The following SPINK5 variants were observed in gnomAD, a reference collection of about 807,000 sequenced individuals.
The protein encoded by SPINK5 is serine peptidase inhibitor Kazal type 5.
Under a neutral mutation model 151.8 loss-of-function variants are expected in SPINK5, and 125 were observed. That is an observed-to-expected ratio of 0.82 (90% CI 0.71 to 0.96). The LOEUF is 0.96. Among genes scored for constraint, SPINK5 ranks in the 40% least tolerant of loss-of-function variants. SPINK5 has a pLI of 0.00. For missense variants in SPINK5, 1,194 were observed against 1,291.9 expected, an observed-to-expected ratio of 0.92 and a Z score of 1.16; for synonymous variants, 374 against 395.3, an observed-to-expected ratio of 0.95 and a Z score of 0.64.
Position 148,125,998 on chromosome 5 carries a change from G to C in SPINK5, c.2867+148G>C, listed in dbSNP as rs1342095094. 3 of 1,232,216 alleles carry C rather than the reference G, an allele frequency of 2.4e-6. No homozygotes were observed. The Admixed American group carries it at 5.5e-5, about 22-fold the overall frequency. 76.3% of individuals were successfully genotyped at this position (1,232,216 alleles called of 1,614,324 possible). A position where few individuals can be genotyped will look rare whatever the true frequency, so the allele number is the denominator to read the frequency against. ...TAAAGCCCTCAAATTGAGAACACCTGATATAGTAGAAAGAACACTGAGACT... is the reference window on the plus strand; with the variant it reads ...TAAAGCCCTCAAATTGAGAACACCTCATATAGTAGAAAGAACACTGAGACT... On this transcript the variant is annotated intron_variant, in intron 29 of 32. Coordinates refer to ENST00000256084, the MANE Select transcript of SPINK5 (RefSeq NM_006846.4).
chr5:148,113,072 T>C (rs569987064), intron 20 of SPINK5, 138 bp downstream of exon 20: 1 of 1,397,296 alleles, frequency 7.2e-7, no homozygotes, highest in Admixed American at 2.2e-5. Context: ...AGAAACTTTT[T>C]CTTAACAGAA....
At chr5:148,101,648 C>G in intron 14 of SPINK5, 133 bp from the exon 15 acceptor site, 3 of 1,403,642 alleles carry the variant, frequency 2.1e-6, no homozygotes, top group Non-Finnish European at 3.0e-6. Context: ...AAATCCATGC[C>G]TTCAAAGTTA....
At chr5:148,112,007 C>A in intron 19 of SPINK5, 112 bp downstream of exon 19, 1 of 1,521,520 alleles carries the variant, frequency 6.6e-7, no homozygotes, top group Non-Finnish European at 9.1e-7. Context: ...TAAAGGCTGT[C>A]TTTGCACTGA....
Position 148,131,329 on chromosome 5 carries a change from C to T in SPINK5, c.3035C>T (p.Pro1012Leu), listed in dbSNP as rs373802380. The T allele has an allele frequency of 5.5e-5, 89 of 1,613,832 alleles. No homozygotes were observed. The highest frequency in any genetic ancestry group is 7.0e-5 in the Non-Finnish European group (82 of 1,179,854). Residue 1012 changes from proline (P) to leucine (L), a missense_variant, in exon 31 of 33, where the codon CCT becomes CTT. By Grantham distance (98) the Pro-to-Leu change is moderately conservative. Transcript: ENST00000256084. Reference protein sequence around the residue: ...IGYLCPKDLKPVCGDDGQTYN... With the variant: ...IGYLCPKDLKLVCGDDGQTYN... ...TATCTTTGTCCAAAGGATTTAAAGC[C>T]TGTCTGTGGTGACGATGGCCAAACC...
In SPINK5 at chr5:148,114,486, T is replaced by A; in HGVS notation, c.2012T>A (p.Val671Asp). The A allele has an allele frequency of 6.2e-7, 1 of 1,613,434 alleles. No homozygotes were observed. Among genetic ancestry groups the A allele is most frequent in the Non-Finnish European group, 8.5e-7 (1 of 1,179,558 alleles). Residue 671 changes from valine (V) to aspartate (D), a missense_variant, in exon 21 of 33, where the codon GTC becomes GAC. Coordinates refer to ENST00000256084, the MANE Select transcript of SPINK5 (RefSeq NM_006846.4). Reference protein sequence around the residue: ...HGNKCAMCKAVFQKENEERKR... With the variant: ...HGNKCAMCKADFQKENEERKR... ...AACAAGTGTGCCATGTGTAAGGCAG[T>A]CTTGTGAGTGCACAAAGAAAACCAC...
chr5:148,083,541 C>T (rs1753077060), intron 4 of SPINK5, among the ~76,000 whole-genome samples: 1 of 151,332 alleles, frequency 6.6e-6, no homozygotes, highest in African/African-American at 2.4e-5. Context: ...ATGACTATCC[C>T]TAAACAAATA....
At chr5:148,123,414 T>TTATATATAGATAGATATTATCTATCTATC (rs1554106759) in intron 26 of SPINK5, among the ~76,000 whole-genome samples, 151 of 134,938 alleles carry the variant, frequency 1.1e-3, no homozygotes, top group Non-Finnish European at 1.6e-3. Context: ...ATATAATATA[T>TTATATATAGATAGATATTATCTATCTATC]TATATATATA....
chr5:148,098,799 G>C (rs140429478), intron 11 of SPINK5, among the ~76,000 whole-genome samples: 1 of 151,968 alleles, frequency 6.6e-6, no homozygotes, highest in Non-Finnish European at 1.5e-5. Context: ...CTTGGTTGTA[G>C]TCATATCCTG....
intron 31 of SPINK5, among the ~76,000 whole-genome samples, chr5:148,131,770 T>G (rs1754579656): frequency 6.6e-6 from 1 of 152,110 alleles, no homozygotes; most frequent in Non-Finnish European, 1.5e-5. Flanking sequence ...GCCCAGTGTA[T>G]TATATCTAAA....
chr5:148,110,664 A>G (rs558346930), intron 18 of SPINK5, among the ~76,000 whole-genome samples: 1 of 152,130 alleles, frequency 6.6e-6, no homozygotes, highest in East Asian at 1.9e-4. Flanking sequence ...TAAACTTCTC[A>G]TTGTTCAACT....
rs1357830769 is a variant in SPINK5 at position 148,070,388 on chromosome 5, A to T, written c.147A>T (p.Lys49Asn). ...AACTGTTCTGTCCCCAGGATAAGAA[A>T]TTTTTTCAAAGTCTTGATGGAATAA... ...NGKLFCPQDKKFFQSLDGIMF... is the reference protein window; with the variant it reads ...NGKLFCPQDKNFFQSLDGIMF... The change falls in exon 3 of 33, where the codon AAA (lysine) becomes AAT (asparagine). Residue 49 changes from lysine to asparagine, a missense_variant. Lys to Asn is a moderately conservative substitution (Grantham distance 94). Transcript: ENST00000256084. 3 of 1,612,880 alleles carry T rather than the reference A, an allele frequency of 1.9e-6. No homozygotes were observed. The highest frequency in any genetic ancestry group is 2.2e-5 in the East Asian group (1 of 44,746).
At chr5:148,113,046 T>C in intron 20 of SPINK5, 112 bp downstream of exon 20, 1 of 1,521,762 alleles carries the variant, frequency 6.6e-7, no homozygotes, top group Non-Finnish European at 8.9e-7. Flanking sequence ...TAGGGGTTCA[T>C]TTAGTCCAGG....
intron 21 of SPINK5, among the ~76,000 whole-genome samples, chr5:148,116,077 T>G (rs1754080211): frequency 6.6e-6 from 1 of 152,102 alleles, no homozygotes; most frequent in Non-Finnish European, 1.5e-5. Context: ...CACCTCAGCC[T>G]TCCAAAGTGC....
chr5:148,065,145 T>C (rs1367134909), intron 1 of SPINK5, among the ~76,000 whole-genome samples: 1 of 152,160 alleles, frequency 6.6e-6, no homozygotes, highest in Non-Finnish European at 1.5e-5. Context: ...TGATTAGACC[T>C]TTGTGAGTAT....
intron 4 of SPINK5, among the ~76,000 whole-genome samples, chr5:148,084,279 G>C (rs6872979): frequency 0.055 from 8,290 of 151,892 alleles, 752 homozygotes; most frequent in African/African-American, 0.19. Flanking sequence ...CTTCTGGTGA[G>C]TATAAGGATA....
At chr5:148,119,325 C>T (rs1050491397) in intron 24 of SPINK5, among the ~76,000 whole-genome samples, 2 of 152,070 alleles carry the variant, frequency 1.3e-5, no homozygotes, top group Non-Finnish European at 2.9e-5. Context: ...TCAAATTTGG[C>T]CTTTTAACCT....
intron 30 of SPINK5, among the ~76,000 whole-genome samples, chr5:148,128,266 A>G (rs569019283): frequency 7.2e-5 from 11 of 152,102 alleles, no homozygotes; most frequent in African/African-American, 2.7e-4. Flanking sequence ...CATAGAAGAA[A>G]TGTACATATG....
chr5:148,136,986 G>A lies in SPINK5; in HGVS notation c.3190G>A (p.Glu1064Lys), dbSNP rs757745500. The change falls in exon 33 of 33, where the codon GAA becomes AAA. Residue 1064 changes from glutamate to lysine, a missense_variant. Coordinates refer to ENST00000256084, the MANE Select transcript of SPINK5 (RefSeq NM_006846.4). ...TTAASMPPSD[E>K] is the part of the protein sequence containing the mutation. ...ACCTACCCATCTTCTCTTCTAGGAC[G>A]AATGACAGGAAGATTGTTGAAAGCC... 6.8e-6 allele frequency: 11 copies of A among 1,613,590 alleles called. No homozygotes were observed. Among genetic ancestry groups the A allele is most frequent in the East Asian group, 2.2e-5 (1 of 44,842 alleles).
chr5:148,101,860 C>T lies in SPINK5; in HGVS notation c.1382C>T (p.Pro461Leu). ...AGAGAGAATGACCCCATCCAGGGCC[C>T]AGATGGAAAAATGCATGGCAACACC... is the stretch of plus-strand genomic sequence containing the variant. Reference protein sequence around the residue: ...CTRENDPIQGPDGKMHGNTCS... With the variant: ...CTRENDPIQGLDGKMHGNTCS... The change falls in exon 15 of 33, where the codon CCA becomes CTA. Residue 461 changes from proline to leucine, a missense_variant. By Grantham distance (98) the Pro-to-Leu change is moderately conservative. Transcript: ENST00000256084. The T allele has an allele frequency of 6.2e-7, 1 of 1,613,792 alleles. No individual in the cohort carries two copies. Among genetic ancestry groups the T allele is most frequent in the Non-Finnish European group, 8.5e-7 (1 of 1,179,796 alleles).
Sources: gnomAD v4.1 joint callset for allele counts (sites outside exome capture counted in the v4.1 genomes callset) on GRCh38, gnomAD v4.1.1 for gene constraint, MANE v1.5 for transcripts, NCBI Gene and HGNC (gene_info 2026-07-23, HGNC 2026-07-21) for gene names.